Variants in GBE1 observed in about 807,000 individuals in gnomAD.
The protein encoded by GBE1 is 1,4-alpha-glucan branching enzyme 1.
GBE1 carries 70 observed loss-of-function variants against 88.8 expected under a neutral mutation model. The ratio of observed to expected loss-of-function variants is 0.79; its 90% CI spans 0.65 to 0.96. The LOEUF (loss-of-function observed/expected upper bound fraction) is 0.96, where lower values mean the gene tolerates loss of function less well. GBE1 is among the 40% of genes least tolerant of loss of function. The probability of loss-of-function intolerance (pLI) is 0.00; values close to 1 mark genes in which losing one functional copy is unlikely to be tolerated. For synonymous variants in GBE1, 284 were observed against 300.1 expected (o/e 0.95, Z 0.56); for missense variants, 872 against 871.0 (o/e 1.00, Z -0.01).
At chr3:81,594,734 G>C (rs1703933156) in intron 7 of GBE1, among the ~76,000 whole-genome samples, 1 of 151,762 alleles carries the variant, frequency 6.6e-6, no homozygotes. Flanking sequence ...AAAAAGAGAG[G>C]GAAAACAAAG....
chr3:81,712,086 T>C (rs1411017983), intron 1 of GBE1, among the ~76,000 whole-genome samples: 1 of 151,970 alleles, frequency 6.6e-6, no homozygotes, highest in Admixed American at 6.6e-5. Context: ...GAAATGCAAA[T>C]CAAAACCAAA....
intron 2 of GBE1, among the ~76,000 whole-genome samples, chr3:81,693,173 A>G (rs1191396520): frequency 2.0e-5 from 3 of 152,206 alleles, no homozygotes; most frequent in Admixed American, 1.3e-4. Flanking sequence ...TTCTCTGGAC[A>G]TATACCTCAA....
intron 2 of GBE1, among the ~76,000 whole-genome samples, chr3:81,683,497 T>C (rs956128242): frequency 6.6e-5 from 10 of 152,186 alleles, no homozygotes; most frequent in Admixed American, 4.6e-4. Flanking sequence ...TTCAAGGCTT[T>C]TGCCAAGGTA....
At chr3:81,663,288 GAC>G (rs1705055593) in intron 3 of GBE1, among the ~76,000 whole-genome samples, 1 of 152,200 alleles carries the variant, frequency 6.6e-6, no homozygotes, top group South Asian at 2.1e-4. Flanking sequence ...CCAGTGGGCA[GAC>G]ACATAGGTGG....
chr3:81,645,867 A>T (rs1305337975), intron 6 of GBE1, among the ~76,000 whole-genome samples: 2 of 152,168 alleles, frequency 1.3e-5, no homozygotes, highest in Admixed American at 1.3e-4. Flanking sequence ...CATGACACTG[A>T]GTGTTGGACT....
At chr3:81,639,660 C>T (rs948303282) in intron 7 of GBE1, among the ~76,000 whole-genome samples, 1 of 152,128 alleles carries the variant, frequency 6.6e-6, no homozygotes, top group Non-Finnish European at 1.5e-5. Context: ...TGGCACTCTG[C>T]CATGTTCTAA....
intron 1 of GBE1, among the ~76,000 whole-genome samples, chr3:81,732,525 T>C (rs974228988): frequency 3.9e-5 from 6 of 152,150 alleles, no homozygotes; most frequent in Non-Finnish European, 8.8e-5. Flanking sequence ...TCCAAAAACT[T>C]TGAAGTCACC....
chr3:81,502,407 G>A, intron 14 of GBE1, among the ~76,000 whole-genome samples: 2 of 152,196 alleles, frequency 1.3e-5, no homozygotes, highest in South Asian at 4.1e-4. Context: ...TGTTTCTCTG[G>A]CCTATAATTT....
intron 1 of GBE1, among the ~76,000 whole-genome samples, chr3:81,747,774 C>G (rs904614134): frequency 1.3e-5 from 2 of 152,154 alleles, no homozygotes; most frequent in Admixed American, 6.5e-5. Flanking sequence ...CCCCACTGAG[C>G]ACCTTGTGAC....
intron 1 of GBE1, among the ~76,000 whole-genome samples, chr3:81,717,318 C>A (rs1221353245): frequency 1.3e-5 from 2 of 152,256 alleles, no homozygotes; most frequent in East Asian, 3.9e-4. Flanking sequence ...ATGGGCTAGA[C>A]AGACAGAAGC....
At chr3:81,523,483 TTG>T (rs1702900687) in intron 14 of GBE1, among the ~76,000 whole-genome samples, 1 of 151,688 alleles carries the variant, frequency 6.6e-6, no homozygotes, top group Non-Finnish European at 1.5e-5. Context: ...TATCCTTTTT[TTG>T]TGTTACAAAC....
chr3:81,656,060 C>T (rs1232396311), intron 3 of GBE1, among the ~76,000 whole-genome samples: 1 of 152,020 alleles, frequency 6.6e-6, no homozygotes, highest in African/African-American at 2.4e-5. Flanking sequence ...TCTGCTGAGC[C>T]AATTTAACAT....
intron 3 of GBE1, among the ~76,000 whole-genome samples, chr3:81,653,013 G>A (rs765746500): frequency 7.9e-5 from 12 of 152,110 alleles, no homozygotes; most frequent in Non-Finnish European, 1.6e-4. Flanking sequence ...AGAAAGAACT[G>A]GCTTGATTGA....
At chr3:81,673,747 C>A (rs1705219914) in intron 2 of GBE1, among the ~76,000 whole-genome samples, 1 of 151,876 alleles carries the variant, frequency 6.6e-6, no homozygotes, top group African/African-American at 2.4e-5. Flanking sequence ...CTCCAAAGCA[C>A]ATGCTGATTA....
At chr3:81,521,260 T>C (rs930236121) in intron 14 of GBE1, among the ~76,000 whole-genome samples, 1 of 151,554 alleles carries the variant, frequency 6.6e-6, no homozygotes, top group African/African-American at 2.4e-5. Flanking sequence ...GTGGCTTCTT[T>C]AGAAAAGTTA....
chr3:81,741,094 A>G lies in GBE1; in HGVS notation c.143+20281T>C, dbSNP rs75186162. Among the ~76,000 whole-genome samples, 621 of 152,340 alleles carry G rather than the reference A, an allele frequency of 4.1e-3. 9 individuals are homozygous for G. The highest frequency in any genetic ancestry group is 0.014 in the Middle Eastern group (4 of 294). On this transcript the variant is annotated intron_variant, in intron 1 of 15. Coordinates refer to ENST00000429644, the MANE Select transcript of GBE1 (RefSeq NM_000158.4). ...AATTGAGCCTTAACTAAAAACCAAA[A>G]TAAAATTAAACCACAATGTCATTAA...
At chr3:81,760,545 T>C (rs535303725) in intron 1 of GBE1, among the ~76,000 whole-genome samples, 2 of 152,338 alleles carry the variant, frequency 1.3e-5, no homozygotes, top group African/African-American at 4.8e-5. Context: ...CTCACAAGTA[T>C]AACTATTACA....
At chr3:81,706,036 C>T (rs1265754440) in intron 1 of GBE1, among the ~76,000 whole-genome samples, 2 of 152,074 alleles carry the variant, frequency 1.3e-5, no homozygotes, top group African/African-American at 4.8e-5. Flanking sequence ...CAGGGTTTGG[C>T]AAACTTTTCC....
intron 7 of GBE1, among the ~76,000 whole-genome samples, chr3:81,615,377 C>A (rs372470155): frequency 2.6e-5 from 4 of 152,256 alleles, no homozygotes; most frequent in Non-Finnish European, 4.4e-5. Flanking sequence ...AGATACAGAA[C>A]AATTGTGTCA....
Sources: gnomAD v4.1 joint callset for allele counts (sites outside exome capture counted in the v4.1 genomes callset) on GRCh38, gnomAD v4.1.1 for gene constraint, MANE v1.5 for transcripts, NCBI Gene and HGNC (gene_info 2026-07-23, HGNC 2026-07-21) for gene names.